Variants in GALNT13 observed in about 807,000 individuals in gnomAD.
The protein encoded by GALNT13 is polypeptide N-acetylgalactosaminyltransferase 13.
A neutral mutation model predicts 64.2 loss-of-function variants in GALNT13; 28 were observed. The observed-to-expected ratio is 0.44, with a 90% CI of 0.32 to 0.60. The LOEUF (loss-of-function observed/expected upper bound fraction) is 0.60, where lower values mean the gene tolerates loss of function less well. GALNT13 is among the 20% of genes least tolerant of loss of function. The probability of loss-of-function intolerance (pLI) is 0.05; values close to 1 mark genes in which losing one functional copy is unlikely to be tolerated. For synonymous variants in GALNT13, 214 were observed against 224.6 expected (o/e 0.95, Z 0.42); for missense variants, 577 against 669.8 (o/e 0.86, Z 1.53).
At chr2:153,451,196 A>G in the GALNT13 span, among the ~76,000 whole-genome samples, 4 of 152,196 alleles carry the variant, frequency 2.6e-5, no homozygotes, top group Non-Finnish European at 4.4e-5. Flanking sequence ...TTGACCTAAA[A>G]TCATCAGCAT....
chr2:154,415,962 G>A (rs17814150), intron 11 of GALNT13, among the ~76,000 whole-genome samples: 9,745 of 152,112 alleles, frequency 0.064, 346 homozygotes, highest in Middle Eastern at 0.089. Context: ...GAGGAAAGAA[G>A]GAAAATCTAC....
chr2:153,978,373 G>A (rs1338879509), intron 3 of GALNT13, among the ~76,000 whole-genome samples: 7 of 152,194 alleles, frequency 4.6e-5, no homozygotes, highest in Admixed American at 1.3e-4. Context: ...TTTGTTTTGC[G>A]TGACCTTTGT....
chr2:153,816,896 G>T, the GALNT13 span, among the ~76,000 whole-genome samples: 1 of 152,146 alleles, frequency 6.6e-6, no homozygotes, highest in African/African-American at 2.4e-5. Context: ...CTGAAGCAAG[G>T]TCACACGTTA....
At chr2:153,438,256 A>G in the GALNT13 span, among the ~76,000 whole-genome samples, 1 of 152,140 alleles carries the variant, frequency 6.6e-6, no homozygotes, top group South Asian at 2.1e-4. Flanking sequence ...GCTGTCCTTA[A>G]CATTTTTTCC....
the GALNT13 span, among the ~76,000 whole-genome samples, chr2:153,229,922 G>A: frequency 6.6e-6 from 1 of 152,152 alleles, no homozygotes; most frequent in Non-Finnish European, 1.5e-5. Flanking sequence ...GCTTAATGGA[G>A]TTTTATACAC....
the GALNT13 span, among the ~76,000 whole-genome samples, chr2:153,799,428 C>G: frequency 1.3e-5 from 2 of 152,054 alleles, no homozygotes; most frequent in Non-Finnish European, 2.9e-5. Context: ...CATGCATACC[C>G]TGATAGTGTT....
chr2:154,187,294 A>G lies in GALNT13; in HGVS notation c.311+46789A>G, dbSNP rs564428831. Among the ~76,000 whole-genome samples the G allele has an allele frequency of 2.0e-5, 3 of 151,810 alleles. No homozygotes were observed. The East Asian group carries it at 5.8e-4, about 29-fold the overall frequency. The stretch of plus-strand genomic sequence containing the variant: ...AAATTGTGTCTAGTATAATTTTAGT[A>G]ACATTTTTTATTTAAATATTCTCCA... On this transcript the variant is annotated intron_variant, in intron 4 of 12. Coordinates refer to ENST00000392825, the MANE Select transcript of GALNT13 (RefSeq NM_052917.4).
intron 8 of GALNT13, among the ~76,000 whole-genome samples, chr2:154,266,220 A>G (rs1490108560): frequency 1.3e-5 from 2 of 152,188 alleles, no homozygotes; most frequent in Non-Finnish European, 2.9e-5. Context: ...GGAATAAATA[A>G]AGATTTTGGA....
chr2:153,995,648 C>T (rs1189036876), intron 3 of GALNT13, among the ~76,000 whole-genome samples: 1 of 152,102 alleles, frequency 6.6e-6, no homozygotes, highest in Non-Finnish European at 1.5e-5. Flanking sequence ...GTCTATCCCT[C>T]AATCCTTGAT....
At chr2:153,544,103 G>A in the GALNT13 span, among the ~76,000 whole-genome samples, 1 of 152,050 alleles carries the variant, frequency 6.6e-6, no homozygotes, top group Admixed American at 6.6e-5. Flanking sequence ...CCTGGTGATC[G>A]ATCATCAGCA....
At chr2:153,514,934 C>T in the GALNT13 span, among the ~76,000 whole-genome samples, 1 of 152,056 alleles carries the variant, frequency 6.6e-6, no homozygotes, top group Admixed American at 6.5e-5. Context: ...ACCCACTCCT[C>T]CCCATCCTGT....
the GALNT13 span, among the ~76,000 whole-genome samples, chr2:153,377,915 A>G: frequency 1.4e-4 from 21 of 152,302 alleles, no homozygotes; most frequent in Admixed American, 1.4e-3. Context: ...TTCAGAAAGT[A>G]ATTAAATATG....
chr2:153,506,237 T>C, the GALNT13 span, among the ~76,000 whole-genome samples: 3 of 152,204 alleles, frequency 2.0e-5, no homozygotes, highest in African/African-American at 7.2e-5. Flanking sequence ...TGAGTCTTTA[T>C]GTGTTAACTG....
chr2:153,273,099 G>A, the GALNT13 span, among the ~76,000 whole-genome samples: 27 of 152,214 alleles, frequency 1.8e-4, no homozygotes, highest in Middle Eastern at 3.4e-3. Context: ...TGGACACAGG[G>A]AGGGGAACAA....
the GALNT13 span, among the ~76,000 whole-genome samples, chr2:153,407,952 G>T: frequency 6.6e-6 from 1 of 152,130 alleles, no homozygotes; most frequent in African/African-American, 2.4e-5. Flanking sequence ...AGTAGAGCTG[G>T]TGTCATAGCA....
chr2:153,500,625 C>T, the GALNT13 span, among the ~76,000 whole-genome samples: 1 of 152,158 alleles, frequency 6.6e-6, no homozygotes, highest in Admixed American at 6.5e-5. Context: ...CAGGAATAAG[C>T]AGGCTTAGTC....
intron 4 of GALNT13, among the ~76,000 whole-genome samples, chr2:154,187,732 G>T (rs1236215199): frequency 3.3e-5 from 5 of 151,978 alleles, no homozygotes; most frequent in Non-Finnish European, 7.4e-5. Flanking sequence ...AAAAACTAGA[G>T]ATGGGGAAAA....
chr2:153,885,759 C>T (rs1019593084), intron 1 of GALNT13, among the ~76,000 whole-genome samples: 4 of 152,048 alleles, frequency 2.6e-5, no homozygotes, highest in Admixed American at 6.6e-5. Context: ...AGCAGCTGCT[C>T]TTGAAATGTT....
the GALNT13 span, among the ~76,000 whole-genome samples, chr2:153,117,047 C>A: frequency 2.6e-5 from 4 of 151,774 alleles, no homozygotes; most frequent in African/African-American, 9.7e-5. Context: ...GATCCACCCG[C>A]CTAGGCCTCC....
Sources: allele counts gnomAD v4.1 joint callset (sites outside exome capture counted in the v4.1 genomes callset), GRCh38; gene constraint gnomAD v4.1.1; transcripts MANE v1.5; gene names NCBI Gene and HGNC (gene_info 2026-07-23, HGNC 2026-07-21).